The following KIAA1671 variants were observed in gnomAD, a reference collection of about 807,000 sequenced individuals.
KIAA1671 encodes KIAA1671, also known as uncharacterized protein KIAA1671.
Under a neutral mutation model 131.2 loss-of-function variants are expected in KIAA1671, and 52 were observed. That is an observed-to-expected ratio of 0.40 (90% CI 0.32 to 0.50). The LOEUF (loss-of-function observed/expected upper bound fraction) is 0.50, where lower values mean the gene tolerates loss of function less well. Ranked by LOEUF, KIAA1671 falls within the 20% of genes least tolerant of loss-of-function variation. The probability of loss-of-function intolerance (pLI) is 0.73; values close to 1 mark genes in which losing one functional copy is unlikely to be tolerated. For synonymous variants in KIAA1671, 1,003 were observed against 961.6 expected (o/e 1.04, Z -0.80); for missense variants, 2,360 against 2,364.2 (o/e 1.00, Z 0.04).
intron 4 of KIAA1671, 74 bp from the exon 5 acceptor site, chr22:25,038,685 AT>A: frequency 7.2e-7 from 1 of 1,396,376 alleles, no homozygotes; most frequent in African/African-American, 1.5e-5. Flanking sequence ...AGCCCTTTCA[AT>A]TACTCCACTT....
chr22:25,047,502 T>C (rs1270890846), intron 5 of KIAA1671, among the ~76,000 whole-genome samples: 1 of 141,962 alleles, frequency 7.0e-6, no homozygotes. Flanking sequence ...GGATGGAGTC[T>C]CACTCTATTG....
At chr22:25,112,474 A>G in intron 6 of KIAA1671, 1 of 398,954 alleles carries the variant, frequency 2.5e-6, no homozygotes, top group Non-Finnish European at 4.4e-6. Flanking sequence ...TAAGCTTATT[A>G]TGTTTTAAAA....
chr22:24,959,999 G>C (rs1921928283), intron 1 of KIAA1671, among the ~76,000 whole-genome samples: 1 of 151,360 alleles, frequency 6.6e-6, no homozygotes, highest in Middle Eastern at 3.4e-3. Flanking sequence ...TTAGCCAGGT[G>C]TGGTGGCGCC....
At chr22:25,173,858 T>A (rs556042053) in intron 7 of KIAA1671, among the ~76,000 whole-genome samples, 21 of 150,938 alleles carry the variant, frequency 1.4e-4, no homozygotes, top group Non-Finnish European at 2.6e-4. Context: ...ATCCAGTGTG[T>A]AAGGTATAGG....
chr22:25,158,289 CTCCATCCA>C (rs1026615805), intron 6 of KIAA1671, among the ~76,000 whole-genome samples: 1 of 152,192 alleles, frequency 6.6e-6, no homozygotes, highest in Non-Finnish European at 1.5e-5. Flanking sequence ...GGTTCATTCA[CTCCATCCA>C]TCCATCCATC....
intron 5 of KIAA1671, among the ~76,000 whole-genome samples, chr22:25,044,283 G>A (rs1351033195): frequency 5.9e-5 from 9 of 152,190 alleles, no homozygotes; most frequent in Non-Finnish European, 1.0e-4. Flanking sequence ...ATAAAGCACC[G>A]AACTTGGGCC....
intron 6 of KIAA1671, among the ~76,000 whole-genome samples, chr22:25,103,637 T>G (rs1325333554): frequency 6.6e-6 from 1 of 151,716 alleles, no homozygotes; most frequent in Non-Finnish European, 1.5e-5. Flanking sequence ...GGATTACAGG[T>G]GTGAGCCACT....
At chr22:25,128,424 T>C (rs74407804) in intron 6 of KIAA1671, among the ~76,000 whole-genome samples, 11,232 of 152,300 alleles carry the variant, frequency 0.074, 1,339 homozygotes, top group African/African-American at 0.25. Context: ...CCAGCAGAGC[T>C]GTGCTATCTT....
intron 4 of KIAA1671, among the ~76,000 whole-genome samples, chr22:25,035,697 G>A (rs1926550170): frequency 6.6e-6 from 1 of 152,212 alleles, no homozygotes. Flanking sequence ...AGGGCAAAAA[G>A]GCTGTGTGTG....
chr22:25,106,650 C>T (rs1400159345), intron 6 of KIAA1671, among the ~76,000 whole-genome samples: 1 of 152,048 alleles, frequency 6.6e-6, no homozygotes, highest in African/African-American at 2.4e-5. Context: ...GTGAGGTGCT[C>T]ACATAGGGCA....
intron 6 of KIAA1671, among the ~76,000 whole-genome samples, chr22:25,145,775 CA>C (rs11435541): frequency 1.1e-4 from 17 of 151,594 alleles, no homozygotes; most frequent in Non-Finnish European, 2.4e-4. Flanking sequence ...CCCATCTCTA[CA>C]AAAAAAATTA....
intron 6 of KIAA1671, among the ~76,000 whole-genome samples, chr22:25,068,679 G>GC (rs1928633772): frequency 6.6e-6 from 1 of 152,156 alleles, no homozygotes; most frequent in Non-Finnish European, 1.5e-5. Flanking sequence ...CTCATGATCT[G>GC]CCCACCTTGG....
chr22:25,043,254 A>G (rs1278000863), intron 5 of KIAA1671, among the ~76,000 whole-genome samples: 1 of 152,182 alleles, frequency 6.6e-6, no homozygotes, highest in Non-Finnish European at 1.5e-5. Context: ...AAATCTACCC[A>G]AATATCTATC....
chr22:25,140,414 C>T (rs550202752), intron 6 of KIAA1671, among the ~76,000 whole-genome samples: 9 of 150,528 alleles, frequency 6.0e-5, no homozygotes, highest in Admixed American at 4.0e-4. Flanking sequence ...CTCGCTCTTT[C>T]GCCCAGGCCG....
intron 8 of KIAA1671, chr22:25,175,019 G>T (rs1933974726): frequency 6.6e-6 from 1 of 152,664 alleles, no homozygotes; most frequent in Non-Finnish European, 1.5e-5. Flanking sequence ...ACCTTTCATG[G>T]AGGTCCCAGG....
intron 1 of KIAA1671, among the ~76,000 whole-genome samples, chr22:25,001,815 G>A (rs1352282211): frequency 1.3e-5 from 2 of 152,080 alleles, no homozygotes; most frequent in African/African-American, 4.8e-5. Context: ...GGTCCTGTTG[G>A]CCCATAACAC....
At chr22:25,080,862 C>T (rs1012312922) in intron 6 of KIAA1671, among the ~76,000 whole-genome samples, 1 of 152,112 alleles carries the variant, frequency 6.6e-6, no homozygotes, top group African/African-American at 2.4e-5. Context: ...GCTCCCCAAG[C>T]CTAGACTTCC....
chr22:25,080,959 A>T (rs956215911), intron 6 of KIAA1671, among the ~76,000 whole-genome samples: 5 of 152,104 alleles, frequency 3.3e-5, no homozygotes, highest in Admixed American at 1.3e-4. Flanking sequence ...CCACTCTCAG[A>T]TGGAGGTCTT....
chr22:25,190,645 C>T, intron 11 of KIAA1671, 57 bp from the exon 12 acceptor site: 1 of 1,441,518 alleles, frequency 6.9e-7, no homozygotes, highest in Non-Finnish European at 9.6e-7. Context: ...TCAGTCCTGC[C>T]CGCAAGGAGC....
Sources: gnomAD v4.1 joint callset for allele counts (sites outside exome capture counted in the v4.1 genomes callset) on GRCh38, gnomAD v4.1.1 for gene constraint, MANE v1.5 for transcripts, NCBI Gene and HGNC (gene_info 2026-07-23, HGNC 2026-07-21) for gene names.